The following TLE1 variants were observed in gnomAD, a reference collection of about 807,000 sequenced individuals.
TLE1 encodes transducin-like enhancer protein 1.
Under a neutral mutation model 89.8 loss-of-function variants are expected in TLE1, and 21 were observed. The ratio of observed to expected loss-of-function variants is 0.23; its 90% confidence interval spans 0.17 to 0.34. The LOEUF is 0.34. Among genes scored for constraint, TLE1 ranks in the 10% least tolerant of loss-of-function variants. The pLI, the probability that TLE1 is intolerant of heterozygous loss-of-function variation, is 1.00. For synonymous variants in TLE1, 447 were observed against 407.6 expected, an observed-to-expected ratio of 1.10 and a Z score of -1.16; for missense variants, 795 against 1,031.2, an observed-to-expected ratio of 0.77 and a Z score of 3.14.
chr9:81,652,365 A>C, intron 5 of TLE1, 77 bp from the exon 6 acceptor site: 2 of 1,275,072 alleles, frequency 1.6e-6, no homozygotes, highest in Non-Finnish European at 1.1e-6. Context: ...AAAAAGTCAA[A>C]TGCTGTGTGC....
chr9:81,649,622 A>T (rs1023392193), intron 6 of TLE1, among the ~76,000 whole-genome samples: 3 of 152,184 alleles, frequency 2.0e-5, no homozygotes, highest in Non-Finnish European at 2.9e-5. Flanking sequence ...GATGCAGACT[A>T]AGAGCGTGGC....
Position 81,590,836 on chromosome 9 carries a change from C to G in TLE1, c.1798G>C (p.Val600Leu). The G allele has an allele frequency of 6.2e-7, 1 of 1,614,190 alleles. No individual in the cohort carries two copies. Residue 600 changes from valine to leucine, a missense_variant, in exon 16 of 20, where the codon GTG (valine) becomes CTG (leucine). By Grantham distance (32) the Val-to-Leu change is conservative. This residue lies in a region of TLE1 where 214 missense variants were observed against 354.9 expected (regional missense o/e 0.60). Coordinates refer to ENST00000376499, the MANE Select transcript of TLE1 (RefSeq NM_005077.5). ...AGTGTCTGGTTGTGCAGATCCCACA[C>G]AGCGATGTTGCCGTCGCTGCAGCAT... ...FSCCSDGNIAVWDLHNQTLVR... is the reference protein window; with the variant it reads ...FSCCSDGNIALWDLHNQTLVR...
chr9:81,659,261 G>T (rs1320570704), intron 4 of TLE1, among the ~76,000 whole-genome samples: 3 of 152,142 alleles, frequency 2.0e-5, no homozygotes, highest in Non-Finnish European at 4.4e-5. Context: ...GTGCTGGCAG[G>T]TTAACCTGGG....
At chr9:81,623,382 TG>T (rs887192684) in intron 8 of TLE1, among the ~76,000 whole-genome samples, 2 of 152,166 alleles carry the variant, frequency 1.3e-5, no homozygotes, top group Admixed American at 1.3e-4. Flanking sequence ...AAATTTCGAA[TG>T]CTATGTTGTC....
rs1366943180 is a variant in TLE1 at position 81,594,400 on chromosome 9, G to T, written c.1332-1126C>A. Among the ~76,000 whole-genome samples, 5 of 152,100 alleles carry T rather than the reference G, an allele frequency of 3.3e-5. No homozygotes were observed. In the East Asian group the frequency reaches 5.8e-4, roughly 18 times the overall value. On this transcript the variant is annotated intron_variant, in intron 14 of 19. Coordinates refer to ENST00000376499, the MANE Select transcript of TLE1 (RefSeq NM_005077.5). Reference sequence around the variant, plus strand: ...CCTTGCAGGGACATGGATGAAACTGGAAACCATCATTCCCAGCAAACTAAC... The same window carrying T: ...CCTTGCAGGGACATGGATGAAACTGTAAACCATCATTCCCAGCAAACTAAC...
At chr9:81,594,474 T>C (rs1021860386) in intron 14 of TLE1, among the ~76,000 whole-genome samples, 2 of 151,332 alleles carry the variant, frequency 1.3e-5, no homozygotes, top group Non-Finnish European at 2.9e-5. Flanking sequence ...TAAATGGGAG[T>C]TGGACAATGA....
At chr9:81,627,486 C>G (rs116743404) in intron 8 of TLE1, among the ~76,000 whole-genome samples, 2,024 of 152,244 alleles carry the variant, frequency 0.013, 47 homozygotes, top group African/African-American at 0.046. Flanking sequence ...CTAGAAACCA[C>G]TGGGGCTTTC....
intron 17 of TLE1, among the ~76,000 whole-genome samples, chr9:81,586,203 AAG>A (rs991265181): frequency 1.3e-5 from 2 of 151,834 alleles, no homozygotes; most frequent in African/African-American, 4.8e-5. Flanking sequence ...ATTTTTAGTA[AAG>A]ACGGGGTTTC....
chr9:81,584,602 A>G, intron 18 of TLE1, 78 bp from the exon 19 acceptor site: 1 of 1,335,126 alleles, frequency 7.5e-7, no homozygotes, highest in Non-Finnish European at 1.1e-6. Context: ...GACTTAATCA[A>G]ACTAAGAACA....
At chr9:81,671,022 G>C (rs1265928446) in intron 4 of TLE1, among the ~76,000 whole-genome samples, 1 of 151,754 alleles carries the variant, frequency 6.6e-6, no homozygotes, top group African/African-American at 2.4e-5. Context: ...TCCAAAATTA[G>C]CTAGGCATGG....
Position 81,689,500 on chromosome 9 carries a change from G to A in TLE1, c.-1260C>T, listed in dbSNP as rs1424679434. Among the ~76,000 whole-genome samples the A allele has an allele frequency of 2.0e-5, 3 of 152,110 alleles. No individual in the cohort carries two copies. Among genetic ancestry groups the A allele is most frequent in the South Asian group, 2.1e-4 (1 of 4,818 alleles). Reference sequence around the variant, plus strand: ...TTCTGCTGCTGCTGCTTCTGCAGCCGCCGCTCCCACCGCCGCCGCCGCCCG... The same window carrying A: ...TTCTGCTGCTGCTGCTTCTGCAGCCACCGCTCCCACCGCCGCCGCCGCCCG... On this transcript the variant is annotated 5_prime_UTR_variant, in exon 1 of 20. Coordinates refer to ENST00000376499, the MANE Select transcript of TLE1 (RefSeq NM_005077.5).
chr9:81,643,045 GA>G (rs1261981681), intron 6 of TLE1, among the ~76,000 whole-genome samples: 11 of 152,308 alleles, frequency 7.2e-5, no homozygotes, highest in African/African-American at 2.6e-4. Flanking sequence ...CAGAAGCAGA[GA>G]GTAGAATGGC....
chr9:81,676,426 G>C (rs1832915567), intron 4 of TLE1, among the ~76,000 whole-genome samples: 1 of 152,162 alleles, frequency 6.6e-6, no homozygotes, highest in African/African-American at 2.4e-5. Flanking sequence ...GTAAACAGGT[G>C]GTGGTGTTTG....
intron 14 of TLE1, among the ~76,000 whole-genome samples, chr9:81,598,387 C>G (rs997245140): frequency 6.6e-6 from 1 of 152,124 alleles, no homozygotes; most frequent in Non-Finnish European, 1.5e-5. Context: ...CCACGAACTC[C>G]CCAGCCTTGA....
intron 14 of TLE1, 70 bp downstream of exon 14, chr9:81,610,150 T>C: frequency 7.2e-7 from 1 of 1,381,912 alleles, no homozygotes; most frequent in Non-Finnish European, 1.0e-6. Flanking sequence ...CCCTTTGGAA[T>C]TCTAGTCTGC....
At chr9:81,670,378 T>G (rs1392029357) in intron 4 of TLE1, among the ~76,000 whole-genome samples, 2 of 152,000 alleles carry the variant, frequency 1.3e-5, no homozygotes, top group Admixed American at 6.6e-5. Context: ...CAGGCTGGAG[T>G]GCAGTGGGGC....
chr9:81,631,014 C>T (rs191323761), intron 8 of TLE1, among the ~76,000 whole-genome samples: 3 of 151,910 alleles, frequency 2.0e-5, no homozygotes, highest in Admixed American at 1.3e-4. Flanking sequence ...GCAGGAAACA[C>T]AGCATATATA....
chr9:81,623,963 A>G (rs1425996184), intron 8 of TLE1, among the ~76,000 whole-genome samples: 1 of 152,100 alleles, frequency 6.6e-6, no homozygotes, highest in East Asian at 1.9e-4. Context: ...GTCCAGAGAC[A>G]GAGGTGATTT....
chr9:81,677,673 G>A (rs934771121), intron 4 of TLE1, among the ~76,000 whole-genome samples: 1 of 151,632 alleles, frequency 6.6e-6, no homozygotes, highest in Non-Finnish European at 1.5e-5. Context: ...AACCTACTTA[G>A]ATCAGTCATG....
Sources: gnomAD v4.1 joint callset for allele counts (sites outside exome capture counted in the v4.1 genomes callset) on GRCh38, gnomAD v4.1.1 for gene constraint, gnomAD v4.1.1 regional missense constraint, MANE v1.5 for transcripts, NCBI Gene and HGNC (gene_info 2026-07-23, HGNC 2026-07-21) for gene names.